ART1: variants seen among roughly 807,000 people sequenced by gnomAD.
The protein encoded by ART1 is ADP-ribosyltransferase 1, also known as GPI-linked NAD(P)(+)--arginine ADP-ribosyltransferase 1.
A neutral mutation model predicts 27.0 loss-of-function variants in ART1; 29 were observed. The ratio of observed to expected loss-of-function variants is 1.08; its 90% CI spans 0.80 to 1.47. ART1 has a LOEUF of 1.47. Among genes scored for constraint, ART1 ranks in the 40% most tolerant of loss-of-function variants. The pLI is 0.00. For missense variants in ART1, 480 were observed against 423.0 expected, an observed-to-expected ratio of 1.13 and a Z score of -1.18; for synonymous variants, 201 against 172.2, an observed-to-expected ratio of 1.17 and a Z score of -1.31.
chr11:3,648,153 T>C (rs1006024865), intron 1 of ART1, among the ~76,000 whole-genome samples: 1 of 152,102 alleles, frequency 6.6e-6, no homozygotes, highest in Non-Finnish European at 1.5e-5. Context: ...GACTGTAATT[T>C]TCCTTTACCT....
At chr11:3,662,463 T>G (rs1298854102) in intron 4 of ART1, among the ~76,000 whole-genome samples, 1 of 152,192 alleles carries the variant, frequency 6.6e-6, no homozygotes, top group Non-Finnish European at 1.5e-5. Context: ...TCTGATCCAC[T>G]CCAGGCACAT....
intron 1 of ART1, among the ~76,000 whole-genome samples, chr11:3,651,888 G>A (rs944947914): frequency 3.3e-5 from 5 of 150,306 alleles, no homozygotes; most frequent in African/African-American, 7.4e-5. Context: ...CTTCTTTCCT[G>A]TTCCTCACCC....
chr11:3,650,905 C>T (rs2077516530), intron 1 of ART1, among the ~76,000 whole-genome samples: 1 of 142,436 alleles, frequency 7.0e-6, no homozygotes, highest in Non-Finnish European at 1.6e-5. Flanking sequence ...AACCTAATCA[C>T]TCTTACCCCG....
At chr11:3,656,296 A>G (rs931573259) in intron 1 of ART1, among the ~76,000 whole-genome samples, 69 of 151,960 alleles carry the variant, frequency 4.5e-4, no homozygotes, top group African/African-American at 1.4e-3. Flanking sequence ...CAATCCTCCT[A>G]CCTTCAGCCT....
intron 1 of ART1, among the ~76,000 whole-genome samples, chr11:3,645,473 G>T (rs1050666507): frequency 1.1e-4 from 16 of 152,120 alleles, no homozygotes; most frequent in African/African-American, 2.9e-4. Flanking sequence ...GCTCCCTTGG[G>T]CTAGAAAAGG....
chr11:3,654,953 G>T (rs1462673803), intron 1 of ART1, among the ~76,000 whole-genome samples: 1 of 152,258 alleles, frequency 6.6e-6, no homozygotes, highest in Non-Finnish European at 1.5e-5. Context: ...CACAATGAGA[G>T]ATACAGCTGG....
At chr11:3,655,441 G>A (rs140267173) in intron 1 of ART1, 3 of 152,358 alleles carry the variant, frequency 2.0e-5, no homozygotes, top group African/African-American at 7.2e-5. Flanking sequence ...ATTGGTTGAA[G>A]GCTGTCCTTG....
chr11:3,662,445 C>T (rs1244534894), intron 4 of ART1, among the ~76,000 whole-genome samples: 1 of 152,190 alleles, frequency 6.6e-6, no homozygotes, highest in African/African-American at 2.4e-5. Context: ...AAGGACCCCC[C>T]AGCTTCCTCT....
chr11:3,650,495 GT>G (rs1204805637), intron 1 of ART1, among the ~76,000 whole-genome samples: 2 of 152,150 alleles, frequency 1.3e-5, no homozygotes, highest in East Asian at 1.9e-4. Context: ...AAGTAAGTCC[GT>G]CCCCTTCTTA....
At chr11:3,656,493 C>T (rs1565042972) in intron 1 of ART1, among the ~76,000 whole-genome samples, 1 of 152,144 alleles carries the variant, frequency 6.6e-6, no homozygotes, top group Non-Finnish European at 1.5e-5. Flanking sequence ...AGCTATTCTC[C>T]TGCCTCAGCC....
At chr11:3,662,526 G>C (rs769960813) in intron 4 of ART1, among the ~76,000 whole-genome samples, 32 of 152,176 alleles carry the variant, frequency 2.1e-4, no homozygotes, top group Non-Finnish European at 4.0e-4. Flanking sequence ...CCTCTGTTCT[G>C]CAGATGAAAG....
rs577558078 is a variant in ART1 at position 3,659,968 on chromosome 11, C to T, written c.449C>T (p.Ser150Phe). ...CGGGCCCACTACCTCCACCACTTCTCCTTCAAGACACTCCATTTCCTGCTG... is the reference window on the plus strand; with the variant it reads ...CGGGCCCACTACCTCCACCACTTCTTCTTCAAGACACTCCATTTCCTGCTG... The part of the protein sequence containing the change: ...RSRAHYLHHF[S>F]FKTLHFLLTE... Residue 150 changes from serine to phenylalanine, a missense_variant, in exon 3 of 5, where the codon TCC becomes TTC. Physicochemically the swap from Ser to Phe is radical, Grantham distance 155. Coordinates refer to ENST00000250693, the MANE Select transcript of ART1 (RefSeq NM_004314.3). 1.9e-5 allele frequency: 31 copies of T among 1,614,008 alleles called. No homozygotes were observed. In the African/African-American group the frequency reaches 4.0e-4, roughly 21 times the overall value.
chr11:3,649,601 T>C lies in ART1; in HGVS notation c.-53+4422T>C, dbSNP rs988977036. ...CAGGCTGCTCCTCGCCAGGCTGAGC[T>C]AGGTCCCAATTCTTCCTCAGCCTCA... On this transcript the variant is annotated intron_variant, in intron 1 of 4. Coordinates refer to ENST00000250693, the MANE Select transcript of ART1 (RefSeq NM_004314.3). Among the ~76,000 whole-genome samples the C allele has an allele frequency of 3.3e-5, 5 of 152,328 alleles. No individual in the cohort carries two copies. In the East Asian group the frequency reaches 9.7e-4, roughly 29 times the overall value.
At chr11:3,650,304 C>A (rs374861379) in intron 1 of ART1, among the ~76,000 whole-genome samples, 4 of 152,312 alleles carry the variant, frequency 2.6e-5, no homozygotes, top group African/African-American at 7.2e-5. Context: ...CACTGAAAAT[C>A]GGACTGTTCA....
intron 1 of ART1, among the ~76,000 whole-genome samples, chr11:3,649,141 T>C (rs1480465530): frequency 6.6e-6 from 1 of 152,134 alleles, no homozygotes; most frequent in Non-Finnish European, 1.5e-5. Context: ...CTCTTTTCTC[T>C]GGGCTTGCCT....
Position 3,659,201 on chromosome 11 carries a change from C to A in ART1, c.-13C>A. The A allele has an allele frequency of 1.2e-6, 2 of 1,614,146 alleles. No individual in the cohort carries two copies. The highest frequency in any genetic ancestry group is 1.7e-6 in the Non-Finnish European group (2 of 1,180,000). The stretch of plus-strand genomic sequence containing the variant: ...ACCCAAAAAGAGACAGCAACTGGCC[C>A]AGGGTCACCAGCATGCAGATGCCTG... On this transcript the variant is annotated 5_prime_UTR_variant, in exon 2 of 5. Coordinates refer to ENST00000250693, the MANE Select transcript of ART1 (RefSeq NM_004314.3).
intron 1 of ART1, among the ~76,000 whole-genome samples, chr11:3,653,147 A>T (rs1223670095): frequency 6.8e-6 from 1 of 147,726 alleles, no homozygotes; most frequent in Non-Finnish European, 1.5e-5. Context: ...ATCTCTCCAC[A>T]CCACCCCCAA....
chr11:3,645,313 AC>A (rs1188283397), intron 1 of ART1, 134 bp downstream of exon 1: 1 of 152,060 alleles, frequency 6.6e-6, no homozygotes, highest in East Asian at 1.9e-4. Flanking sequence ...AGTTTGGGAT[AC>A]CTAGGAAGGT....
chr11:3,663,599 T>A (rs28595117), intron 4 of ART1, among the ~76,000 whole-genome samples: 13,647 of 151,844 alleles, frequency 0.09, 1,578 homozygotes, highest in African/African-American at 0.26. Context: ...ATTAAAAAAA[T>A]TTTTTTTTGA....
Sources: allele counts gnomAD v4.1 joint callset (sites outside exome capture counted in the v4.1 genomes callset), GRCh38; gene constraint gnomAD v4.1.1; transcripts MANE v1.5; gene names NCBI Gene and HGNC (gene_info 2026-07-23, HGNC 2026-07-21).